The following ALDH16A1 variants were observed in gnomAD, a reference collection of about 807,000 sequenced individuals.
ALDH16A1 encodes the protein aldehyde dehydrogenase family 16 member A1.
In ALDH16A1, 88 loss-of-function variants were observed where a neutral mutation model predicts 96.1. The observed-to-expected ratio is 0.92, with a 90% confidence interval of 0.77 to 1.09. The LOEUF (loss-of-function observed/expected upper bound fraction) is 1.09. ALDH16A1 is among the 50% of genes least tolerant of loss of function. ALDH16A1 has a pLI of 0.00. For missense variants in ALDH16A1, 1,250 were observed against 1,112.6 expected (o/e 1.12, Z -1.76); for synonymous variants, 522 against 496.4 (o/e 1.05, Z -0.69).
In ALDH16A1 at chr19:49,462,742, G is replaced by A; in HGVS notation, c.1085G>A (p.Ser362Asn). 1 of 1,595,186 alleles carries A rather than the reference G, an allele frequency of 6.3e-7. No homozygotes were observed. The change falls in exon 8 of 17, where the codon AGC becomes AAC. Residue 362 changes from serine (S) to asparagine (N), a missense_variant. By Grantham distance (46) the Ser-to-Asn change is conservative. Coordinates refer to ENST00000293350, the MANE Select transcript of ALDH16A1 (RefSeq NM_153329.4). ...CAGCGCTTTGTGCGTGAGGCCCAGA[G>A]CCAGGGTGCACAGGTGAGGCAGGGG... The part of the protein sequence containing the change: ...LVQRFVREAQ[S>N]QGAQVFQAGD...
rs1446061397 is a variant in ALDH16A1 at position 49,468,349 on chromosome 19, C to T, written c.1939-32C>T. 6.3e-6 allele frequency: 10 copies of T among 1,589,356 alleles called. No homozygotes were observed. The highest frequency in any genetic ancestry group is 7.7e-6 in the Non-Finnish European group (9 of 1,174,840). ...CTCATTTACTGCGGGCGGGGCTCCC[C>T]TGCCCCACACGTGACCCACCTGTCC... On this transcript the variant is annotated intron_variant, in intron 14 of 16. Transcript: ENST00000293350. The surrounding 1 kb of genome is among the most constrained non-coding windows in gnomAD (Gnocchi z 4.4).
At chr19:49,455,299 C>T (rs1380763664) in intron 1 of ALDH16A1, among the ~76,000 whole-genome samples, 1 of 151,724 alleles carries the variant, frequency 6.6e-6, no homozygotes, top group Non-Finnish European at 1.5e-5. Context: ...ACCTGTAATC[C>T]CAGCTACTTG....
intron 11 of ALDH16A1, 36 bp downstream of exon 11, chr19:49,464,558 C>T (rs1416283218): frequency 1.2e-5 from 19 of 1,613,120 alleles, no homozygotes; most frequent in Non-Finnish European, 1.6e-5. Context: ...AGCCCCCCCG[C>T]CGCCCCATGC....
In ALDH16A1 at chr19:49,461,941, C is replaced by A; in HGVS notation, c.817C>A (p.Leu273Met). Residue 273 changes from leucine (L) to methionine (M), a missense_variant, in exon 7 of 17, where the codon CTG becomes ATG. Coordinates refer to ENST00000293350, the MANE Select transcript of ALDH16A1 (RefSeq NM_153329.4). ...AGAGTGTGCGGAGCTGGGCCTGGCG[C>A]TGGGGACGGAGTCGCTGCTGCTGCT... ...AGECAELGLA[L>M]GTESLLLLTD... 6.4e-7 allele frequency: 1 copy of A among 1,573,726 alleles called. No homozygotes were observed. The highest frequency in any genetic ancestry group is 1.2e-5 in the South Asian group (1 of 86,592).
chr19:49,468,194 T>G lies in ALDH16A1; in HGVS notation c.1939-187T>G. 1 of 553,488 alleles carries G rather than the reference T, an allele frequency of 1.8e-6. No homozygotes were observed. Among genetic ancestry groups the G allele is most frequent in the Non-Finnish European group, 3.2e-6 (1 of 317,410 alleles). The allele number at this position is 553,488 out of a possible 1,614,324, so 34.3% of individuals were successfully genotyped here. Reference sequence around the variant, plus strand: ...AAAAAAGAAAGGCGGTTATGCAGGATGTTTCTCACCGCCCGAACCCCCGTG... The same window carrying G: ...AAAAAAGAAAGGCGGTTATGCAGGAGGTTTCTCACCGCCCGAACCCCCGTG... On this transcript the variant is annotated intron_variant, in intron 14 of 16. Transcript: ENST00000293350. The surrounding 1 kb of genome is among the most constrained non-coding windows in gnomAD (Gnocchi z 4.4).
At chr19:49,458,838 C>T (rs972024670) in intron 2 of ALDH16A1, 122 bp from the exon 3 acceptor site, 7 of 1,389,838 alleles carry the variant, frequency 5.0e-6, no homozygotes, top group Non-Finnish European at 5.9e-6. Flanking sequence ...TAGCCGTGAC[C>T]CAGCAGAGAA....
intron 1 of ALDH16A1, among the ~76,000 whole-genome samples, chr19:49,455,669 G>A (rs1225287609): frequency 6.6e-6 from 1 of 152,108 alleles, no homozygotes; most frequent in Non-Finnish European, 1.5e-5. Flanking sequence ...ACCGAGGCAG[G>A]AGGATCACTC....
chr19:49,469,594 TTTTTGAGACAGAGTCTCAC>T (rs141675434), intron 16 of ALDH16A1: 54,095 of 149,394 alleles, frequency 0.36, 10,070 homozygotes, highest in Middle Eastern at 0.47. Context: ...TATTTTATTT[TTTTTGAGACAGAGTCTCAC>T]TCTGTCGCCC....
chr19:49,453,469 G>GGC (rs760072141), intron 1 of ALDH16A1, 48 bp downstream of exon 1: 12 of 1,478,584 alleles, frequency 8.1e-6, no homozygotes, highest in Middle Eastern at 1.9e-4. Context: ...CCCAGGCCTG[G>GGC]GCGCCCGGTT....
chr19:49,461,737 C>T lies in ALDH16A1; in HGVS notation c.696C>T (p.Ser232=), dbSNP rs762903398. The T allele has an allele frequency of 5.6e-6, 9 of 1,610,244 alleles. No homozygotes were observed. The South Asian group carries it at 9.9e-5, about 18-fold the overall frequency. The change falls in exon 6 of 17, where the codon TCC becomes TCT. Residue 232 remains serine, a synonymous_variant. Transcript: ENST00000293350. The stretch of plus-strand genomic sequence containing the variant: ...TGAATGTCCTCAGTGGCCCTGCGTC[C>T]CTGGTGCCCATCCTGGCCTCCCAGC... ...GILNVLSGPA[S]LVPILASQPG... is the part of the protein sequence containing the mutation.
At chr19:49,460,508 G>A (rs752250911) in intron 4 of ALDH16A1, among the ~76,000 whole-genome samples, 14 of 150,112 alleles carry the variant, frequency 9.3e-5, no homozygotes, top group Admixed American at 2.0e-4. Flanking sequence ...TCCGCCTCCC[G>A]TGTTCAAGTG....
At position 49,461,974 on chromosome 19, in the gene ALDH16A1, A is replaced by G. The variant is rs2079153229; in HGVS notation, c.850A>G (p.Thr284Ala). The G allele has an allele frequency of 6.4e-7, 1 of 1,555,910 alleles. No homozygotes were observed. The highest frequency in any genetic ancestry group is 1.4e-5 in the African/African-American group (1 of 73,480). Residue 284 changes from threonine (T) to alanine (A), a missense_variant, in exon 7 of 17, where the codon ACG becomes GCG. Physicochemically the swap from Thr to Ala is moderately conservative, Grantham distance 58. Transcript: ENST00000293350. Reference sequence around the variant, plus strand: ...GGAGTCGCTGCTGCTGCTGACGGACACGGCGGACGTAGACTCGGCCGTGGA... The same window carrying G: ...GGAGTCGCTGCTGCTGCTGACGGACGCGGCGGACGTAGACTCGGCCGTGGA... ...GTESLLLLTD[T>A]ADVDSAVEGV... is the part of the protein sequence containing the mutation.
At chr19:49,463,823 A>T in intron 8 of ALDH16A1, 31 bp from the exon 9 acceptor site, 1 of 1,598,668 alleles carries the variant, frequency 6.3e-7, no homozygotes, top group Non-Finnish European at 8.5e-7. Context: ...AAGGGACCAG[A>T]AGTCGACTTC....
chr19:49,457,967 A>G (rs1244464308), intron 1 of ALDH16A1, among the ~76,000 whole-genome samples: 1 of 152,128 alleles, frequency 6.6e-6, no homozygotes, highest in Non-Finnish European at 1.5e-5. Context: ...TAATCCCAGC[A>G]CTTTGGGAGG....
Position 49,469,170 on chromosome 19 carries a change from CAG to C in ALDH16A1, c.2247+185_2247+186del, listed in dbSNP as rs567262007. The C allele has an allele frequency of 1.9e-5, 16 of 855,712 alleles. No homozygotes were observed. The South Asian group carries it at 2.7e-4, about 14-fold the overall frequency. 53.0% of individuals were successfully genotyped at this position (855,712 alleles called of 1,614,324 possible). On this transcript the variant is annotated intron_variant, in intron 16 of 16. Coordinates refer to ENST00000293350, the MANE Select transcript of ALDH16A1 (RefSeq NM_153329.4). The stretch of plus-strand genomic sequence containing the variant: ...CTAAGGAAGAGGCTGTCCTTAGCAA[CAG>C]GGGCCTGAGAGCTGCCTAGCCCAAA...
In ALDH16A1 at chr19:49,470,363, A is replaced by G. The variant is rs749351474; in HGVS notation, c.2305A>G (p.Arg769Gly). Residue 769 changes from arginine (R) to glycine (G), a missense_variant, in exon 17 of 17, where the codon AGG (arginine) becomes GGG (glycine). Physicochemically the swap from Arg to Gly is moderately radical, Grantham distance 125. Transcript: ENST00000293350. ...AAACCTCAAACCGGTGTGGGCGAGC[A>G]GGGGCTGCCCGCGGGCCTGGGACCA... is the stretch of plus-strand genomic sequence containing the variant. ...AGNLKPVWAS[R>G]GCPRAWDQEA... The G allele has an allele frequency of 3.7e-5, 60 of 1,613,114 alleles. No homozygotes were observed. Among genetic ancestry groups the G allele is most frequent in the Non-Finnish European group, 4.8e-5 (57 of 1,179,854 alleles).
In ALDH16A1 at chr19:49,470,657, T is replaced by C. The variant is rs1016820238; in HGVS notation, c.*190T>C. 8.5e-6 allele frequency: 5 copies of C among 584,944 alleles called. No individual in the cohort carries two copies. The highest frequency in any genetic ancestry group is 5.9e-5 in the African/African-American group (3 of 50,664). 36.2% of individuals were successfully genotyped at this position (584,944 alleles called of 1,614,324 possible). On this transcript the variant is annotated 3_prime_UTR_variant, in exon 17 of 17. Transcript: ENST00000293350. ...GATATGAGGCTTTTTTCTTTTTTTT[T>C]TTTTTTTTTGAGACAACGTCTGGCT... is the stretch of plus-strand genomic sequence containing the variant.
At chr19:49,465,524 A>G (rs2914667) in intron 12 of ALDH16A1, among the ~76,000 whole-genome samples, 54,975 of 142,298 alleles carry the variant, frequency 0.39, 10,433 homozygotes, top group Middle Eastern at 0.53. Context: ...GAGCAGTTTA[A>G]GGTCCCCCAG....
rs574221663 is a variant in ALDH16A1, at chr19:49,470,548, T to C, written c.*81T>C. ...CCACAGACACCTGGGACTTTCCCCT[T>C]CTGGTTCCTGTGTCTCCCAATAAAC... On this transcript the variant is annotated 3_prime_UTR_variant, in exon 17 of 17. Coordinates refer to ENST00000293350, the MANE Select transcript of ALDH16A1 (RefSeq NM_153329.4). The C allele has an allele frequency of 1.4e-6, 2 of 1,398,234 alleles. No homozygotes were observed. Among genetic ancestry groups the C allele is most frequent in the South Asian group, 1.6e-5 (1 of 64,304 alleles). 86.6% of individuals were successfully genotyped at this position (1,398,234 alleles called of 1,614,324 possible).
Sources: gnomAD v4.1 joint callset for allele counts (sites outside exome capture counted in the v4.1 genomes callset) on GRCh38, gnomAD v4.1.1 for gene constraint, Gnocchi (gnomAD v3.1) non-coding constraint, MANE v1.5 for transcripts, NCBI Gene and HGNC (gene_info 2026-07-23, HGNC 2026-07-21) for gene names.